ARHGDIB: variants seen among roughly 807,000 people sequenced by gnomAD.
ARHGDIB encodes rho GDP-dissociation inhibitor 2.
A neutral mutation model predicts 22.6 loss-of-function variants in ARHGDIB; 20 were observed. The ratio of observed to expected loss-of-function variants is 0.88; its 90% confidence interval spans 0.62 to 1.28. ARHGDIB has a LOEUF of 1.28. Among genes scored for constraint, ARHGDIB ranks in the 50% most tolerant of loss-of-function variants. ARHGDIB has a pLI of 0.00. For synonymous variants in ARHGDIB, 114 were observed against 96.1 expected (o/e 1.19, Z -1.09); for missense variants, 254 against 245.4 (o/e 1.04, Z -0.23).
At chr12:14,943,747 T>G (rs892882577) in intron 5 of ARHGDIB, among the ~76,000 whole-genome samples, 1 of 152,100 alleles carries the variant, frequency 6.6e-6, no homozygotes, top group Non-Finnish European at 1.5e-5. Flanking sequence ...AACTGGAATA[T>G]ATATTAAGAA....
chr12:14,950,563 T>C lies in ARHGDIB; in HGVS notation c.150A>G (p.Lys50=). The change falls in exon 2 of 6, where the codon AAA becomes AAG. Residue 50 remains lysine (K), a synonymous_variant. Transcript: ENST00000228945. ...CCACAGGACCATCTCCCAGCAGCGT[T>C]TTCTTGTACTTAATTAGACTCTCAT... ...KDDESLIKYK[K]TLLGDGPVVT... 6.2e-7 allele frequency: 1 copy of C among 1,613,864 alleles called. No individual in the cohort carries two copies. Among genetic ancestry groups the C allele is most frequent in the Non-Finnish European group, 8.5e-7 (1 of 1,179,866 alleles).
intron 1 of ARHGDIB, among the ~76,000 whole-genome samples, chr12:14,953,818 G>GCT (rs147117659): frequency 0.015 from 2,255 of 146,430 alleles, 49 homozygotes; most frequent in African/African-American, 0.052. Context: ...GCTTTTGCTT[G>GCT]CTCTCTCTCT....
At chr12:14,951,114 C>G (rs1029848082) in intron 1 of ARHGDIB, 1 of 158,096 alleles carries the variant, frequency 6.3e-6, no homozygotes, top group African/African-American at 2.4e-5. Context: ...GCCTGGCTAG[C>G]GTCAAAGCTT....
chr12:14,954,478 C>G (rs1167196195), intron 1 of ARHGDIB, among the ~76,000 whole-genome samples: 1 of 152,222 alleles, frequency 6.6e-6, no homozygotes, highest in Non-Finnish European at 1.5e-5. Context: ...ATTCCGTGGT[C>G]ATTCCGTTTG....
At chr12:14,960,790 A>G (rs1864394675) in intron 1 of ARHGDIB, among the ~76,000 whole-genome samples, 2 of 152,246 alleles carry the variant, frequency 1.3e-5, no homozygotes, top group African/African-American at 4.8e-5. Context: ...GGCGTGAGCC[A>G]CCACGCCCAG....
In ARHGDIB at chr12:14,953,096, C is replaced by T. The variant is rs115371864; in HGVS notation, c.-12-2372G>A. 7.0e-3 allele frequency among the ~76,000 whole-genome samples: 1,065 copies of T among 152,256 alleles called. 9 individuals carry two copies. The highest frequency in any genetic ancestry group is 0.025 in the African/African-American group (1,025 of 41,544). On this transcript the variant is annotated intron_variant, in intron 1 of 5. Coordinates refer to ENST00000228945, the MANE Select transcript of ARHGDIB (RefSeq NM_001175.7). ...GGTCTTGATCTTCTCATCAGTAAAT[C>T]TGAGGCTTATGTTCTACATTTTCTC...
In ARHGDIB at chr12:14,947,953, TAGA is replaced by T; in HGVS notation, c.266-7_266-5del. The T allele has an allele frequency of 1.9e-6, 3 of 1,606,292 alleles. No homozygotes were observed. The highest frequency in any genetic ancestry group is 1.3e-5 in the African/African-American group (1 of 74,870). ...TTTTTGAGGGCTTCCAGATCTCCTG[TAGA>T]AGAAGATTTAGAGAGAGTTTATCCT... On this transcript the variant is annotated splice_region_variant and splice_polypyrimidine_tract_variant and intron_variant, in intron 3 of 5. Coordinates refer to ENST00000228945, the MANE Select transcript of ARHGDIB (RefSeq NM_001175.7).
At chr12:14,959,844 A>T (rs989276497) in intron 1 of ARHGDIB, among the ~76,000 whole-genome samples, 2 of 152,230 alleles carry the variant, frequency 1.3e-5, no homozygotes, top group African/African-American at 2.4e-5. Flanking sequence ...GCATCTGTGA[A>T]GCATGGATGG....
chr12:14,958,513 A>G (rs1387713402), intron 1 of ARHGDIB, among the ~76,000 whole-genome samples: 1 of 152,200 alleles, frequency 6.6e-6, no homozygotes, highest in Non-Finnish European at 1.5e-5. Flanking sequence ...ATTCATATGC[A>G]CAAAGAGAGA....
At chr12:14,948,110 A>G (rs1432442450) in intron 3 of ARHGDIB, among the ~76,000 whole-genome samples, 161 bp from the exon 4 acceptor site, 5 of 117,468 alleles carry the variant, frequency 4.3e-5, no homozygotes, top group Non-Finnish European at 8.5e-5. Flanking sequence ...GCACACACAC[A>G]CACACACACA....
chr12:14,946,518 A>G (rs749347638), intron 4 of ARHGDIB, among the ~76,000 whole-genome samples: 7 of 152,208 alleles, frequency 4.6e-5, no homozygotes, highest in Non-Finnish European at 8.8e-5. Flanking sequence ...CCATGCTGGG[A>G]CAAGCCACAG....
chr12:14,952,277 C>CAA (rs3084566), intron 1 of ARHGDIB, among the ~76,000 whole-genome samples: 18,182 of 127,088 alleles, frequency 0.14, 1,434 homozygotes, highest in Admixed American at 0.18. Flanking sequence ...TTAATGGAAC[C>CAA]AAAAAAAAAA....
intron 1 of ARHGDIB, among the ~76,000 whole-genome samples, chr12:14,954,675 G>A (rs545669939): frequency 2.0e-5 from 3 of 152,300 alleles, no homozygotes; most frequent in Admixed American, 1.3e-4. Context: ...CTTTTCTAAG[G>A]CCTCCGCATA....
At chr12:14,944,716 A>G (rs1863968271) in intron 5 of ARHGDIB, 60 bp downstream of exon 5, 2 of 1,532,344 alleles carry the variant, frequency 1.3e-6, no homozygotes, top group Non-Finnish European at 8.9e-7. Context: ...GCTAATAACC[A>G]GAAGTTAAAG....
chr12:14,950,953 A>G (rs1864162359), intron 1 of ARHGDIB: 2 of 369,154 alleles, frequency 5.4e-6, no homozygotes, highest in Non-Finnish European at 9.8e-6. Context: ...AGTATCTTCT[A>G]TTCACTGAAC....
rs777138486 is a variant in ARHGDIB at position 14,947,945 on chromosome 12, A to G, written c.270T>C (p.Asp90=). The G allele has an allele frequency of 6.2e-7, 1 of 1,609,916 alleles. No individual in the cohort carries two copies. Among genetic ancestry groups the G allele is most frequent in the South Asian group, 1.1e-5 (1 of 91,002 alleles). The change falls in exon 4 of 6, where the codon GAT becomes GAC. Residue 90 remains aspartate, a synonymous_variant. Coordinates refer to ENST00000228945, the MANE Select transcript of ARHGDIB (RefSeq NM_001175.7). ...PGPITMDLTG[D]LEALKKETIV... ...TGGTTTCCTTTTTGAGGGCTTCCAG[A>G]TCTCCTGTAGAAGAAGATTTAGAGA...
In ARHGDIB at chr12:14,942,517, T is replaced by C; in HGVS notation, c.*5A>G. 6.2e-7 allele frequency: 1 copy of C among 1,613,978 alleles called. No homozygotes were observed. Among genetic ancestry groups the C allele is most frequent in the Non-Finnish European group, 8.5e-7 (1 of 1,179,978 alleles). ...TGGCAAGGGTGGGGAAAGGGGTGGA[T>C]GCATTCATTCTGTCCACTCCTTCTT... On this transcript the variant is annotated 3_prime_UTR_variant, in exon 6 of 6. Transcript: ENST00000228945.
chr12:14,955,755 C>G (rs1438236637), intron 1 of ARHGDIB, among the ~76,000 whole-genome samples: 4 of 152,166 alleles, frequency 2.6e-5, no homozygotes, highest in Non-Finnish European at 5.9e-5. Context: ...CCACAAACAA[C>G]AATTTTCTCT....
At chr12:14,943,283 T>TG (rs1863919108) in intron 5 of ARHGDIB, among the ~76,000 whole-genome samples, 1 of 152,140 alleles carries the variant, frequency 6.6e-6, no homozygotes, top group Non-Finnish European at 1.5e-5. Context: ...TAACCTTCTG[T>TG]GGGTCCCAGG....
Sources: gnomAD v4.1 joint callset for allele counts (sites outside exome capture counted in the v4.1 genomes callset) on GRCh38, gnomAD v4.1.1 for gene constraint, MANE v1.5 for transcripts, NCBI Gene and HGNC (gene_info 2026-07-23, HGNC 2026-07-21) for gene names.